The following ZMYND8 variants were observed in gnomAD, a reference collection of about 807,000 sequenced individuals.
The protein encoded by ZMYND8 is zinc finger MYND-type containing 8.
Under a neutral mutation model 140.8 loss-of-function variants are expected in ZMYND8, and 37 were observed. The ratio of observed to expected loss-of-function variants is 0.26; its 90% CI spans 0.20 to 0.35. The LOEUF (loss-of-function observed/expected upper bound fraction) is 0.35. ZMYND8 is among the 10% of genes least tolerant of loss of function. ZMYND8 has a pLI of 1.00. For synonymous variants in ZMYND8, 592 were observed against 597.1 expected, an observed-to-expected ratio of 0.99 and a Z score of 0.12; for missense variants, 1,068 against 1,570.0, an observed-to-expected ratio of 0.68 and a Z score of 5.40.
chr20:47,356,531 C>T, intron 1 of ZMYND8, 126 bp downstream of exon 1: 1 of 1,611,788 alleles, frequency 6.2e-7, no homozygotes, highest in Non-Finnish European at 8.5e-7. Context: ...TAAACAGTTC[C>T]AAGTTAACAT....
At chr20:47,317,057 A>G (rs1305745025) in intron 2 of ZMYND8, among the ~76,000 whole-genome samples, 2 of 152,266 alleles carry the variant, frequency 1.3e-5, no homozygotes, top group East Asian at 3.9e-4. Context: ...GGAGGGCCTC[A>G]TCCTCAGCCC....
intron 11 of ZMYND8, among the ~76,000 whole-genome samples, chr20:47,270,230 C>A (rs1207251711): frequency 6.7e-6 from 1 of 149,518 alleles, no homozygotes; most frequent in Non-Finnish European, 1.5e-5. Context: ...AGAGTGTGAC[C>A]CTGTCTCTTA....
At chr20:47,303,533 C>T (rs1438234915) in intron 3 of ZMYND8, among the ~76,000 whole-genome samples, 6 of 152,306 alleles carry the variant, frequency 3.9e-5, no homozygotes, top group African/African-American at 1.4e-4. Flanking sequence ...GCCTGGCCAA[C>T]ATGGCGAAAC....
At chr20:47,333,304 C>T (rs917639961) in intron 2 of ZMYND8, among the ~76,000 whole-genome samples, 10 of 152,044 alleles carry the variant, frequency 6.6e-5, no homozygotes, top group Admixed American at 6.6e-5. Flanking sequence ...CACCATTGCA[C>T]TCCAGCCTGG....
chr20:47,341,831 G>C (rs1294352280), intron 2 of ZMYND8, among the ~76,000 whole-genome samples: 1 of 151,782 alleles, frequency 6.6e-6, no homozygotes, highest in Non-Finnish European at 1.5e-5. Context: ...GGGAAACCCT[G>C]TCTCTACTAA....
At position 47,307,464 on chromosome 20, in the gene ZMYND8, A is replaced by C. The variant is rs145310110; in HGVS notation, c.234+2592T>G. On this transcript the variant is annotated intron_variant, in intron 3 of 22. Transcript: ENST00000471951. ...TGAGAGAGAAACTCCGTCTCAAAAAATAAATAAATAAATAAATAAAGGGAC... is the reference window on the plus strand; with the variant it reads ...TGAGAGAGAAACTCCGTCTCAAAAACTAAATAAATAAATAAATAAAGGGAC... 4.4e-3 allele frequency among the ~76,000 whole-genome samples: 674 copies of C among 152,212 alleles called. 11 individuals are homozygous for C. The highest frequency in any genetic ancestry group is 0.015 in the African/African-American group (632 of 41,530).
intron 2 of ZMYND8, among the ~76,000 whole-genome samples, chr20:47,317,447 G>A (rs765231104): frequency 1.4e-5 from 2 of 145,904 alleles, no homozygotes; most frequent in Admixed American, 7.0e-5. Context: ...AGCACATGCC[G>A]TTCTCCAGGG....
In ZMYND8 at chr20:47,349,521, T is replaced by C. The variant is rs1163835830; in HGVS notation, c.15-1595A>G. On this transcript the variant is annotated intron_variant, in intron 1 of 22. Transcript: ENST00000471951. ...ATTCCAACTTAAGGAGAAAACATTCTCAACTCAGAAACACTCTGCCTGAAA... is the reference window on the plus strand; with the variant it reads ...ATTCCAACTTAAGGAGAAAACATTCCCAACTCAGAAACACTCTGCCTGAAA... Among the ~76,000 whole-genome samples the C allele has an allele frequency of 3.9e-5, 6 of 152,216 alleles. No homozygotes were observed. In the East Asian group the frequency reaches 1.2e-3, roughly 29 times the overall value.
intron 9 of ZMYND8, among the ~76,000 whole-genome samples, chr20:47,282,495 C>A (rs1269599474): frequency 6.6e-6 from 1 of 152,128 alleles, no homozygotes; most frequent in Non-Finnish European, 1.5e-5. Flanking sequence ...AAAGCCAATG[C>A]GGGTGGATCA....
In ZMYND8 at chr20:47,220,290, G is replaced by C; in HGVS notation, c.3452C>G (p.Ser1151Cys). ...TTGGTTGGAGCCTAAGAGAATGGAG[G>C]AGGGCGTCTCTCTGGAGCCAGAAAG... ...LDLSGSRETP[S>C]SILLGSNQGS... Residue 1151 changes from serine (S) to cysteine (C), a missense_variant, in exon 21 of 23, where the codon TCC becomes TGC. By Grantham distance (112) the Ser-to-Cys change is moderately radical (BLOSUM62 -1). Transcript: ENST00000471951. 6.4e-7 allele frequency: 1 copy of C among 1,565,252 alleles called. No individual in the cohort carries two copies. The highest frequency in any genetic ancestry group is 8.7e-7 in the Non-Finnish European group (1 of 1,153,828).
intron 2 of ZMYND8, among the ~76,000 whole-genome samples, chr20:47,346,317 T>G (rs1010808918): frequency 3.9e-5 from 6 of 152,050 alleles, no homozygotes; most frequent in Non-Finnish European, 8.8e-5. Context: ...AGAAGGTACC[T>G]TCCTTGCTCT....
intron 2 of ZMYND8, among the ~76,000 whole-genome samples, chr20:47,312,916 C>T (rs912376626): frequency 1.3e-5 from 2 of 152,160 alleles, no homozygotes; most frequent in African/African-American, 2.4e-5. Flanking sequence ...ACTTTTTCTC[C>T]ACTTGGCCTT....
At chr20:47,228,465 T>G (rs1327885138) in intron 17 of ZMYND8, among the ~76,000 whole-genome samples, 1 of 152,184 alleles carries the variant, frequency 6.6e-6, no homozygotes, top group Admixed American at 6.5e-5. Flanking sequence ...GACCCCAGGT[T>G]TCAGGTGAGA....
chr20:47,320,424 GTA>G (rs1343757123), intron 2 of ZMYND8: 6 of 152,486 alleles, frequency 3.9e-5, no homozygotes, highest in African/African-American at 1.4e-4. Context: ...CAGCCACCAC[GTA>G]AAGATGCTGC....
At chr20:47,216,259 C>T (rs1407659691) in intron 21 of ZMYND8, among the ~76,000 whole-genome samples, 1 of 152,096 alleles carries the variant, frequency 6.6e-6, no homozygotes, top group Non-Finnish European at 1.5e-5. Context: ...TTTGGGAAGC[C>T]AAGGTGGGTG....
intron 12 of ZMYND8, among the ~76,000 whole-genome samples, chr20:47,250,923 G>A (rs545917357): frequency 5.9e-5 from 9 of 152,148 alleles, no homozygotes; most frequent in Non-Finnish European, 1.2e-4. Context: ...CAGCTACTCA[G>A]GAGGCTGAGG....
intron 10 of ZMYND8, 92 bp downstream of exon 10, chr20:47,282,010 T>C (rs1008891623): frequency 9.7e-7 from 1 of 1,033,566 alleles, no homozygotes. Flanking sequence ...ATAATGAGAA[T>C]AATAGCTGCA....
At chr20:47,235,656 G>A (rs1012040440) in intron 16 of ZMYND8, among the ~76,000 whole-genome samples, 3 of 151,096 alleles carry the variant, frequency 2.0e-5, no homozygotes, top group South Asian at 2.1e-4. Context: ...GCAGTGAGAC[G>A]AGATTGTGTC....
intron 2 of ZMYND8, among the ~76,000 whole-genome samples, chr20:47,336,736 A>G (rs1463753610): frequency 6.6e-6 from 1 of 152,136 alleles, no homozygotes; most frequent in East Asian, 1.9e-4. Context: ...TCTTTAGAGA[A>G]GCCAGTCTAC....
Sources: gnomAD v4.1 joint callset for allele counts (sites outside exome capture counted in the v4.1 genomes callset) on GRCh38, gnomAD v4.1.1 for gene constraint, MANE v1.5 for transcripts, NCBI Gene and HGNC (gene_info 2026-07-23, HGNC 2026-07-21) for gene names.